Variants in PIWIL2 observed in about 807,000 individuals in gnomAD.
PIWIL2 encodes the protein piwi-like protein 2.
A neutral mutation model predicts 116.5 loss-of-function variants in PIWIL2; 81 were observed. That is an observed-to-expected ratio of 0.70 (90% CI 0.58 to 0.84). The LOEUF is 0.84. PIWIL2 is among the 40% of genes least tolerant of loss of function. The pLI is 0.00. For missense variants in PIWIL2, 1,272 were observed against 1,212.3 expected (o/e 1.05, Z -0.73); for synonymous variants, 489 against 429.5 (o/e 1.14, Z -1.71).
chr8:22,342,788 CT>C (rs576425607), intron 20 of PIWIL2, among the ~76,000 whole-genome samples: 15 of 152,002 alleles, frequency 9.9e-5, no homozygotes, highest in Admixed American at 5.9e-4. Context: ...AATTTAAAAA[CT>C]TCTGGGAAAC....
chr8:22,328,057 T>G (rs1477442547), intron 20 of PIWIL2, among the ~76,000 whole-genome samples: 1 of 152,220 alleles, frequency 6.6e-6, no homozygotes, highest in Non-Finnish European at 1.5e-5. Context: ...TCCCCTGTTT[T>G]TTTTTTCTAA....
rs1830718119 is a variant in PIWIL2 at position 22,289,865 on chromosome 8, T to TA, written c.1006dup (p.Met336AsnfsTer10). The TA allele has an allele frequency of 6.2e-7, 1 of 1,607,394 alleles. No homozygotes were observed. Among genetic ancestry groups the TA allele is most frequent in the Non-Finnish European group, 8.5e-7 (1 of 1,173,922 alleles). ...ATTTCAGGGTAATGAAACTTTTAGA[T>TA]ATGAAGCTTGTGGGGAGAAACTTTT... On this transcript the variant is annotated frameshift_variant, in exon 9 of 23. Transcript: ENST00000356766. LOFTEE classifies it high-confidence loss of function.
chr8:22,329,862 A>G (rs1831817239), intron 20 of PIWIL2, among the ~76,000 whole-genome samples: 1 of 152,196 alleles, frequency 6.6e-6, no homozygotes. Flanking sequence ...GGCAAGTTCA[A>G]AATCTGCAGG....
chr8:22,294,433 C>T (rs577307114), intron 10 of PIWIL2, among the ~76,000 whole-genome samples: 67 of 147,100 alleles, frequency 4.6e-4, no homozygotes, highest in Admixed American at 2.9e-3. Flanking sequence ...TGAAGTCAGG[C>T]GATCGAGACC....
intron 20 of PIWIL2, among the ~76,000 whole-genome samples, chr8:22,323,969 A>G (rs931768501): frequency 7.2e-5 from 11 of 152,162 alleles, no homozygotes; most frequent in Non-Finnish European, 1.5e-5. Flanking sequence ...CCAGTAGAAT[A>G]TTGGATTTTG....
chr8:22,345,176 C>G (rs927755754), intron 20 of PIWIL2, among the ~76,000 whole-genome samples: 1 of 152,294 alleles, frequency 6.6e-6, no homozygotes, highest in Non-Finnish European at 1.5e-5. Context: ...GCAACATAGA[C>G]TCCATATGTA....
intron 10 of PIWIL2, among the ~76,000 whole-genome samples, chr8:22,293,703 CA>C (rs1235832955): frequency 6.6e-6 from 1 of 152,202 alleles, no homozygotes; most frequent in Non-Finnish European, 1.5e-5. Flanking sequence ...TACTATTATA[CA>C]ATTATTGAAA....
At chr8:22,319,842 T>C (rs183082239) in intron 20 of PIWIL2, among the ~76,000 whole-genome samples, 5 of 152,300 alleles carry the variant, frequency 3.3e-5, no homozygotes, top group Admixed American at 3.3e-4. Flanking sequence ...TCTGCTGCAT[T>C]CTAATTGTCC....
chr8:22,316,096 T>A, intron 18 of PIWIL2, 149 bp from the exon 19 acceptor site: 1 of 589,826 alleles, frequency 1.7e-6, no homozygotes, highest in Non-Finnish European at 3.0e-6. Context: ...AAATGTCAAG[T>A]TGATTGTCTT....
At chr8:22,283,392 CAA>C (rs1830557722) in intron 5 of PIWIL2, 152 bp downstream of exon 5, 1 of 635,450 alleles carries the variant, frequency 1.6e-6, no homozygotes, top group Non-Finnish European at 2.8e-6. Context: ...GGGAGATTGA[CAA>C]AGAGATAGGA....
chr8:22,338,799 A>G (rs1045130090), intron 20 of PIWIL2, among the ~76,000 whole-genome samples: 3 of 152,256 alleles, frequency 2.0e-5, no homozygotes, highest in Admixed American at 6.5e-5. Context: ...TACAAATGTA[A>G]CAAGATCCAT....
Position 22,318,157 on chromosome 8 carries a change from AC to A in PIWIL2, c.2298-10del. ...TCTTCCTTTCTCTGTCTCTCTGCTC[AC>A]CCTGACCCTAGCACCCTCACAAAAT... On this transcript the variant is annotated splice_polypyrimidine_tract_variant and intron_variant, in intron 19 of 22. Coordinates refer to ENST00000356766, the MANE Select transcript of PIWIL2 (RefSeq NM_018068.5). 6.4e-7 allele frequency: 1 copy of A among 1,553,290 alleles called. No homozygotes were observed. The highest frequency in any genetic ancestry group is 8.9e-7 in the Non-Finnish European group (1 of 1,125,856).
intron 8 of PIWIL2, 103 bp from the exon 9 acceptor site, chr8:22,289,744 A>G (rs1490762873): frequency 4.2e-6 from 3 of 715,166 alleles, no homozygotes; most frequent in Middle Eastern, 3.6e-4. Context: ...GAGCACAAAC[A>G]TTTCTAACCG....
At position 22,311,100 on chromosome 8, in the gene PIWIL2, G is replaced by T. The variant is rs552894165; in HGVS notation, c.1801-12G>T. The T allele has an allele frequency of 1.3e-6, 2 of 1,593,358 alleles. No homozygotes were observed. The highest frequency in any genetic ancestry group is 4.5e-5 in the East Asian group (2 of 44,574). ...ATTGTGAGAAATACTAAAAGCTCTT[G>T]GTTGTTCCTAGATCCCCATGCATTT... is the stretch of plus-strand genomic sequence containing the variant. On this transcript the variant is annotated splice_polypyrimidine_tract_variant and intron_variant, in intron 15 of 22. Coordinates refer to ENST00000356766, the MANE Select transcript of PIWIL2 (RefSeq NM_018068.5).
intron 20 of PIWIL2, among the ~76,000 whole-genome samples, chr8:22,326,727 T>C (rs1285414497): frequency 6.6e-6 from 1 of 152,246 alleles, no homozygotes; most frequent in African/African-American, 2.4e-5. Flanking sequence ...CACGATTTGT[T>C]GATCCTTTCA....
intron 20 of PIWIL2, among the ~76,000 whole-genome samples, chr8:22,324,241 G>A (rs995201468): frequency 6.6e-6 from 1 of 152,158 alleles, no homozygotes; most frequent in Non-Finnish European, 1.5e-5. Flanking sequence ...CAGTCTGGGC[G>A]ACAAAGCAAG....
intron 20 of PIWIL2, among the ~76,000 whole-genome samples, chr8:22,344,944 A>G (rs915723262): frequency 6.6e-6 from 1 of 152,232 alleles, no homozygotes; most frequent in Admixed American, 6.5e-5. Flanking sequence ...AGAAATTGGA[A>G]ACTTCATAGA....
intron 8 of PIWIL2, among the ~76,000 whole-genome samples, chr8:22,289,135 CTTTTCTTTTCTT>C (rs1198508663): frequency 1.3e-5 from 2 of 148,260 alleles, no homozygotes; most frequent in Non-Finnish European, 3.0e-5. Context: ...AACCTAATTT[CTTTTCTTTTCTT>C]TTTTCTTTTT....
chr8:22,282,907 A>C, intron 4 of PIWIL2, 127 bp from the exon 5 acceptor site: 1 of 745,390 alleles, frequency 1.3e-6, no homozygotes, highest in Non-Finnish European at 2.3e-6. Context: ...ATGTAGTTTG[A>C]GAGAATTTGA....
Sources: gnomAD v4.1 joint callset for allele counts (sites outside exome capture counted in the v4.1 genomes callset) on GRCh38, gnomAD v4.1.1 for gene constraint, MANE v1.5 for transcripts, NCBI Gene and HGNC (gene_info 2026-07-23, HGNC 2026-07-21) for gene names.